ZNF529: variants seen among roughly 807,000 people sequenced by gnomAD.
The protein encoded by ZNF529 is zinc finger protein 529.
ZNF529 carries 11 observed loss-of-function variants against 10.1 expected under a neutral mutation model. The ratio of observed to expected loss-of-function variants is 1.09; its 90% CI spans 0.69 to 1.81. ZNF529 has a LOEUF of 1.81. Ranked by LOEUF, ZNF529 falls within the 40% of genes most tolerant of loss-of-function variation. The probability of loss-of-function intolerance (pLI) is 0.00; values close to 1 mark genes in which losing one functional copy is unlikely to be tolerated. For synonymous variants in ZNF529, 204 were observed against 215.7 expected, an observed-to-expected ratio of 0.95 and a Z score of 0.47; for missense variants, 624 against 666.8, an observed-to-expected ratio of 0.94 and a Z score of 0.71.
intron 2 of ZNF529, among the ~76,000 whole-genome samples, chr19:36,571,270 A>G (rs911535756): frequency 1.3e-5 from 2 of 152,268 alleles, no homozygotes; most frequent in African/African-American, 4.8e-5. Context: ...ATATGAGTGT[A>G]AAGTATTTCA....
At chr19:36,571,401 G>A (rs546936868) in intron 2 of ZNF529, among the ~76,000 whole-genome samples, 6 of 152,238 alleles carry the variant, frequency 3.9e-5, no homozygotes, top group Admixed American at 6.5e-5. Flanking sequence ...AAAGCCGGGC[G>A]CAGTGGCTCA....
intron 2 of ZNF529, among the ~76,000 whole-genome samples, chr19:36,578,593 C>T (rs1457705037): frequency 6.6e-6 from 1 of 151,266 alleles, no homozygotes; most frequent in African/African-American, 2.4e-5. Context: ...GCATGAGCCA[C>T]TGCACTCCAC....
intron 2 of ZNF529, among the ~76,000 whole-genome samples, chr19:36,579,583 A>G (rs2036418806): frequency 6.6e-6 from 1 of 152,210 alleles, no homozygotes; most frequent in Non-Finnish European, 1.5e-5. Flanking sequence ...AGCATATAGC[A>G]TACCTGTATT....
chr19:36,605,310 G>A (rs2037006918), upstream of ZNF529: 18 of 152,442 alleles, frequency 1.2e-4, no homozygotes, highest in Admixed American at 1.2e-3. Context: ...CGAGTGCGCA[G>A]GCGCAGACGA....
rs770473290 is a variant in ZNF529 at position 36,548,073 on chromosome 19, C to T, written c.485G>A (p.Arg162Gln). Residue 162 changes from arginine (R) to glutamine (Q), a missense_variant, in exon 5 of 5, where the codon CGG becomes CAG. By Grantham distance (43) the Arg-to-Gln change is conservative (BLOSUM62 1). Coordinates refer to ENST00000591340, the MANE Select transcript of ZNF529 (RefSeq NM_020951.5). ...YKTHESLTLP[R>Q]RTHDSEKPYE... ...GGGCTTCTCACTGTCATGAGTTCTC[C>T]GAGGTAAAGTAAGAGATTCATGAGT... is the stretch of plus-strand genomic sequence containing the variant. 1.1e-4 allele frequency: 181 copies of T among 1,613,696 alleles called. No homozygotes were observed. Among genetic ancestry groups the T allele is most frequent in the Middle Eastern group, 6.6e-4 (4 of 6,080 alleles).
chr19:36,575,941 CG>C (rs1288169157), upstream of ZNF529, among the ~76,000 whole-genome samples: 2 of 152,014 alleles, frequency 1.3e-5, no homozygotes, highest in Non-Finnish European at 2.9e-5. Context: ...CTCTGCCTCC[CG>C]GGTTCAAGCA....
chr19:36,581,520 T>C (rs1322299311), intron 2 of ZNF529: 2 of 152,246 alleles, frequency 1.3e-5, no homozygotes, highest in African/African-American at 4.8e-5. Context: ...TAATATGATT[T>C]GGATATTTGT....
At chr19:36,564,116 T>G (rs1241692817) in intron 2 of ZNF529, among the ~76,000 whole-genome samples, 1 of 152,180 alleles carries the variant, frequency 6.6e-6, no homozygotes, top group Non-Finnish European at 1.5e-5. Flanking sequence ...TAACTCAAGT[T>G]TGATGAAAGC....
chr19:36,590,839 A>C lies in ZNF529; in HGVS notation c.-127-1138T>G, dbSNP rs181312594. On this transcript the variant is annotated intron_variant, in intron 1 of 4. Coordinates refer to the ZNF529 transcript ENST00000585960. ...CAGCTACTCTGGAGGCTGAGGGAGG[A>C]GAATCACCTGAACCTGGGAGGTGGA... 2.4e-4 allele frequency among the ~76,000 whole-genome samples: 36 copies of C among 150,982 alleles called. 1 individual carries two copies. The East Asian group carries it at 5.3e-3, about 22-fold the overall frequency.
chr19:36,555,982 TC>T, intron 3 of ZNF529, 121 bp downstream of exon 3: 1 of 967,932 alleles, frequency 1.0e-6, no homozygotes, highest in Non-Finnish European at 1.5e-6. Context: ...GCTGTTAGAC[TC>T]CAGCCCTTAC....
At chr19:36,564,509 TA>T (rs1262691794) in intron 2 of ZNF529, among the ~76,000 whole-genome samples, 8 of 152,150 alleles carry the variant, frequency 5.3e-5, no homozygotes, top group Non-Finnish European at 1.2e-4. Flanking sequence ...CCCACACCAC[TA>T]ATCATCAGAG....
chr19:36,602,626 G>GA (rs1372482750), intron 1 of ZNF529, among the ~76,000 whole-genome samples: 1 of 150,866 alleles, frequency 6.6e-6, no homozygotes, highest in South Asian at 2.1e-4. Flanking sequence ...TGACTTGGGG[G>GA]AAAAAAAGAA....
chr19:36,577,238 G>T (rs753436854), upstream of ZNF529: 128 of 448,276 alleles, frequency 2.9e-4, no homozygotes, highest in Non-Finnish European at 4.3e-4. Flanking sequence ...AGGATTACAG[G>T]TGTGAACCAC....
At position 36,545,803 on chromosome 19, in the gene ZNF529, C is replaced by T. The variant is rs962917079; in HGVS notation, c.*1063G>A. ...AAGTTCAGTGGTCATTTTTTCTCCC[C>T]TTTTAAAGGTGTTTGACAAATTTTA... On this transcript the variant is annotated 3_prime_UTR_variant, in exon 5 of 5. Transcript: ENST00000591340. 6.6e-6 allele frequency: 1 copy of T among 151,846 alleles called. No individual in the cohort carries two copies. 9.4% of individuals were successfully genotyped at this position (151,846 alleles called of 1,614,324 possible).
chr19:36,569,886 A>G (rs1433221850), intron 2 of ZNF529, among the ~76,000 whole-genome samples: 2 of 152,342 alleles, frequency 1.3e-5, no homozygotes, highest in East Asian at 3.9e-4. Flanking sequence ...GAGCAGTTAG[A>G]GTATCCTGCC....
At chr19:36,556,950 T>C (rs949562301) in intron 2 of ZNF529, among the ~76,000 whole-genome samples, 2 of 152,166 alleles carry the variant, frequency 1.3e-5, no homozygotes, top group African/African-American at 4.8e-5. Flanking sequence ...AGGAGGTTGA[T>C]TAGAGATGTA....
intron 4 of ZNF529, among the ~76,000 whole-genome samples, chr19:36,551,215 T>G (rs1385863517): frequency 6.6e-6 from 1 of 152,196 alleles, no homozygotes; most frequent in Non-Finnish European, 1.5e-5. Context: ...AAAAAGTTTA[T>G]GTACTGAAAC....
At chr19:36,560,492 G>A (rs559017577) in intron 2 of ZNF529, among the ~76,000 whole-genome samples, 1 of 152,160 alleles carries the variant, frequency 6.6e-6, no homozygotes, top group African/African-American at 2.4e-5. Context: ...ATGGTAACTC[G>A]AATCCATCTG....
At chr19:36,600,623 T>C (rs893533016) in intron 1 of ZNF529, among the ~76,000 whole-genome samples, 3 of 152,168 alleles carry the variant, frequency 2.0e-5, no homozygotes, top group Non-Finnish European at 4.4e-5. Context: ...TATAGATCAG[T>C]GGTTCAAAAC....
Sources: gnomAD v4.1 joint callset for allele counts (sites outside exome capture counted in the v4.1 genomes callset) on GRCh38, gnomAD v4.1.1 for gene constraint, MANE v1.5 for transcripts, NCBI Gene and HGNC (gene_info 2026-07-23, HGNC 2026-07-21) for gene names.